Variants in STAG1 observed in about 807,000 individuals in gnomAD.
The protein encoded by STAG1 is cohesin subunit SA-1.
Under a neutral mutation model 170.9 loss-of-function variants are expected in STAG1, and 26 were observed. That is an observed-to-expected ratio of 0.15 (90% confidence interval 0.11 to 0.21). STAG1 has a LOEUF of 0.21. STAG1 is among the 10% of genes least tolerant of loss of function. The pLI, the probability that STAG1 is intolerant of heterozygous loss-of-function variation, is 1.00. For missense variants in STAG1, 964 were observed against 1,509.5 expected, an observed-to-expected ratio of 0.64 and a Z score of 5.99; for synonymous variants, 514 against 497.7, an observed-to-expected ratio of 1.03 and a Z score of -0.44.
At chr3:136,453,032 C>A (rs1436593415) in intron 13 of STAG1, among the ~76,000 whole-genome samples, 1 of 152,108 alleles carries the variant, frequency 6.6e-6, no homozygotes, top group Non-Finnish European at 1.5e-5. Context: ...TCAAGTGATA[C>A]CCCTGCCTTG....
intron 21 of STAG1, among the ~76,000 whole-genome samples, chr3:136,410,257 C>T (rs980963551): frequency 2.0e-5 from 3 of 151,522 alleles, no homozygotes; most frequent in East Asian, 1.9e-4. Flanking sequence ...AAAATTATCT[C>T]GGTGTGGTGG....
At chr3:136,737,173 A>C (rs1934389620) in intron 1 of STAG1, 1 of 751,882 alleles carries the variant, frequency 1.3e-6, no homozygotes, top group East Asian at 2.6e-5. Flanking sequence ...TCACTGTAGA[A>C]GGTCATAAAT....
intron 3 of STAG1, among the ~76,000 whole-genome samples, chr3:136,605,858 GC>G (rs937692995): frequency 6.6e-6 from 1 of 152,198 alleles, no homozygotes; most frequent in African/African-American, 2.4e-5. Flanking sequence ...ACAAGGCATA[GC>G]TTGGAGGGGC....
At chr3:136,584,022 G>C (rs539093237) in intron 4 of STAG1, among the ~76,000 whole-genome samples, 2 of 152,144 alleles carry the variant, frequency 1.3e-5, no homozygotes, top group African/African-American at 2.4e-5. Context: ...ACCAGCTGGA[G>C]AGCCTATACA....
At chr3:136,710,438 G>C (rs1943351801) in intron 1 of STAG1, among the ~76,000 whole-genome samples, 1 of 152,006 alleles carries the variant, frequency 6.6e-6, no homozygotes, top group African/African-American at 2.4e-5. Context: ...TCTGGTTCAA[G>C]TATTCAGAAA....
chr3:136,354,151 A>G (rs1159657475), intron 28 of STAG1, among the ~76,000 whole-genome samples: 1 of 152,188 alleles, frequency 6.6e-6, no homozygotes, highest in Admixed American at 6.5e-5. Context: ...TCTCAAGTAT[A>G]ATTATAACAA....
intron 5 of STAG1, among the ~76,000 whole-genome samples, chr3:136,553,731 G>A (rs776524145): frequency 7.9e-5 from 12 of 152,250 alleles, no homozygotes; most frequent in East Asian, 3.8e-4. Flanking sequence ...CCAAGATCGC[G>A]CCACTGCGCT....
At position 136,363,349 on chromosome 3, in the gene STAG1, C is replaced by A; in HGVS notation, c.2787+17G>T. On this transcript the variant is annotated intron_variant, in intron 26 of 33. Coordinates refer to ENST00000383202, the MANE Select transcript of STAG1 (RefSeq NM_005862.3). ...TGTTATTTCCATTCTTTGTCTCCCTCTCTCCAAATTTCTTACCTGTTGCAA... is the reference window on the plus strand; with the variant it reads ...TGTTATTTCCATTCTTTGTCTCCCTATCTCCAAATTTCTTACCTGTTGCAA... 1 of 1,326,766 alleles carries A rather than the reference C, an allele frequency of 7.5e-7. No homozygotes were observed. Among genetic ancestry groups the A allele is most frequent in the Non-Finnish European group, 1.1e-6 (1 of 926,254 alleles). The allele number at this position is 1,326,766 out of a possible 1,614,324, so 82.2% of individuals were successfully genotyped here.
intron 5 of STAG1, among the ~76,000 whole-genome samples, chr3:136,549,646 T>G (rs1405610299): frequency 8.0e-6 from 1 of 125,476 alleles, no homozygotes; most frequent in Non-Finnish European, 1.7e-5. Context: ...CAGAAACAAT[T>G]TCACTTCTTC....
At chr3:136,719,450 TTAAC>T (rs1366063550) in intron 1 of STAG1, among the ~76,000 whole-genome samples, 1 of 152,010 alleles carries the variant, frequency 6.6e-6, no homozygotes, top group Non-Finnish European at 1.5e-5. Context: ...GTTTTCCAAA[TTAAC>T]TAAACATCAC....
chr3:136,519,050 T>C (rs1270378517), intron 7 of STAG1, among the ~76,000 whole-genome samples: 1 of 151,632 alleles, frequency 6.6e-6, no homozygotes, highest in East Asian at 1.9e-4. Flanking sequence ...AATGAGCAAA[T>C]GAAAAGGAGA....
At chr3:136,425,628 C>G (rs2088095681) in intron 16 of STAG1, among the ~76,000 whole-genome samples, 1 of 151,292 alleles carries the variant, frequency 6.6e-6, no homozygotes, top group South Asian at 2.1e-4. Flanking sequence ...GGTAAAAACT[C>G]TATTAGGCTA....
intron 1 of STAG1, among the ~76,000 whole-genome samples, chr3:136,692,928 T>C (rs988648867): frequency 2.6e-5 from 4 of 152,156 alleles, no homozygotes; most frequent in Non-Finnish European, 5.9e-5. Context: ...ATGTGGCCCA[T>C]AAAGAGACAG....
At chr3:136,537,810 T>A (rs1425042026) in intron 6 of STAG1, among the ~76,000 whole-genome samples, 1 of 152,120 alleles carries the variant, frequency 6.6e-6, no homozygotes, top group African/African-American at 2.4e-5. Context: ...GTATCTATTT[T>A]TAACTCCTGG....
intron 16 of STAG1, among the ~76,000 whole-genome samples, chr3:136,426,683 A>G (rs2088135344): frequency 6.6e-6 from 1 of 152,198 alleles, no homozygotes; most frequent in South Asian, 2.1e-4. Context: ...TCACGCCTGT[A>G]ATCCCAGAAC....
At chr3:136,401,397 T>A (rs1161211262) in intron 21 of STAG1, among the ~76,000 whole-genome samples, 1 of 152,238 alleles carries the variant, frequency 6.6e-6, no homozygotes, top group Non-Finnish European at 1.5e-5. Context: ...TTCCTGATGC[T>A]CTAAGAATAG....
chr3:136,568,615 A>G, intron 5 of STAG1, 150 bp downstream of exon 5: 1 of 671,000 alleles, frequency 1.5e-6, no homozygotes, highest in Non-Finnish European at 2.6e-6. Flanking sequence ...ATCCTTATAT[A>G]ACTTACCAAT....
chr3:136,714,967 T>A (rs1271685051), intron 1 of STAG1, among the ~76,000 whole-genome samples: 2 of 106,226 alleles, frequency 1.9e-5, no homozygotes, highest in African/African-American at 6.4e-5. Flanking sequence ...ATATATATTT[T>A]ATATATATAT....
intron 26 of STAG1, among the ~76,000 whole-genome samples, chr3:136,359,678 T>G (rs1177327344): frequency 6.6e-6 from 1 of 152,152 alleles, no homozygotes. Context: ...AATAGGCGTG[T>G]ACCACCATGC....
Sources: allele counts gnomAD v4.1 joint callset (sites outside exome capture counted in the v4.1 genomes callset), GRCh38; gene constraint gnomAD v4.1.1; transcripts MANE v1.5; gene names NCBI Gene and HGNC (gene_info 2026-07-23, HGNC 2026-07-21).